Variants in EML2 observed in about 807,000 individuals in gnomAD.
The protein encoded by EML2 is echinoderm microtubule-associated protein-like 2.
A neutral mutation model predicts 84.7 loss-of-function variants in EML2; 59 were observed. The ratio of observed to expected loss-of-function variants is 0.70; its 90% CI spans 0.56 to 0.86. The LOEUF (loss-of-function observed/expected upper bound fraction) is 0.86, where lower values mean the gene tolerates loss of function less well. EML2 is among the 40% of genes least tolerant of loss of function. The pLI, the probability that EML2 is intolerant of heterozygous loss-of-function variation, is 0.00. For missense variants in EML2, 818 were observed against 855.6 expected (o/e 0.96, Z 0.55); for synonymous variants, 352 against 348.9 (o/e 1.01, Z -0.10).
intron 4 of EML2, among the ~76,000 whole-genome samples, chr19:45,633,869 CA>C (rs1175660704): frequency 6.6e-6 from 1 of 152,210 alleles, no homozygotes; most frequent in African/African-American, 2.4e-5. Flanking sequence ...CTTGGCCTCC[CA>C]AAGTGCTGCT....
At chr19:45,619,243 C>T in intron 11 of EML2, 52 bp from the exon 12 acceptor site, 2 of 1,563,036 alleles carry the variant, frequency 1.3e-6, no homozygotes, top group Non-Finnish European at 1.7e-6. Context: ...GGCCTTTTCC[C>T]ACTCAACACT....
intron 3 of EML2, among the ~76,000 whole-genome samples, chr19:45,636,171 G>A (rs748639383): frequency 1.3e-5 from 2 of 151,748 alleles, no homozygotes; most frequent in Non-Finnish European, 1.5e-5. Flanking sequence ...ATGCAGTCTC[G>A]CCATGCTGCC....
chr19:45,632,664 G>C (rs1973193124), intron 6 of EML2, 197 bp downstream of exon 6: 2 of 569,606 alleles, frequency 3.5e-6, no homozygotes, highest in South Asian at 4.0e-5. Flanking sequence ...GGTTTAAAAT[G>C]CCTGAGAGGG....
At chr19:45,624,856 C>G in intron 8 of EML2, 38 bp from the exon 9 acceptor site, 1 of 1,488,506 alleles carries the variant, frequency 6.7e-7, no homozygotes. Context: ...CAGAGCGTCA[C>G]TGAAGCAGGT....
At chr19:45,642,578 G>A, upstream of EML2, 2 of 1,322,878 alleles carry the variant, frequency 1.5e-6, no homozygotes. Context: ...GCCACAGCGC[G>A]CTGGCCGTGT....
chr19:45,645,586 G>A (rs1444500198), upstream of EML2: 18 of 779,954 alleles, frequency 2.3e-5, no homozygotes, highest in South Asian at 1.6e-4. Flanking sequence ...GGCTGCGCCC[G>A]GATCCCCCTA....
Position 45,616,119 on chromosome 19 carries a change from G to A in EML2, c.1510-230C>T, listed in dbSNP as rs1019457191. ...GACAAAAAGCACTTAGAACACAATG[G>A]GAGTTTAGAACAGGTGGGCAGGGCT... On this transcript the variant is annotated intron_variant, in intron 15 of 18. Coordinates refer to ENST00000245925, the MANE Select transcript of EML2 (RefSeq NM_012155.4). The A allele has an allele frequency of 5.2e-6, 3 of 581,110 alleles. No homozygotes were observed. In the African/African-American group the frequency reaches 5.6e-5, roughly 11 times the overall value. The allele number at this position is 581,110 out of a possible 1,614,324, so 36.0% of individuals were successfully genotyped here.
intron 15 of EML2, chr19:45,616,199 G>C (rs1600087540): frequency 1.3e-5 from 7 of 544,672 alleles, no homozygotes; most frequent in Non-Finnish European, 2.0e-5. Flanking sequence ...CAGAGGGGCG[G>C]TCTCGGAACG....
In EML2 at chr19:45,621,645, G is replaced by A. The variant is rs1298006092; in HGVS notation, c.842-8C>T. On this transcript the variant is annotated splice_polypyrimidine_tract_variant and splice_region_variant and intron_variant, in intron 9 of 18. Coordinates refer to ENST00000245925, the MANE Select transcript of EML2 (RefSeq NM_012155.4). ...GTGTGATACGGTTCCCACCTGCAGG[G>A]TGGCCAGGGGCAGGGTCAACAGGGA... is the stretch of plus-strand genomic sequence containing the variant. The A allele has an allele frequency of 1.2e-6, 2 of 1,605,376 alleles. No homozygotes were observed. The highest frequency in any genetic ancestry group is 1.7e-6 in the Non-Finnish European group (2 of 1,179,188).
chr19:45,616,515 G>A lies in EML2; in HGVS notation c.1455C>T (p.Tyr485=), dbSNP rs762480985. 7.5e-6 allele frequency: 12 copies of A among 1,610,540 alleles called. No homozygotes were observed. The East Asian group carries it at 1.8e-4, about 24-fold the overall frequency. The change falls in exon 15 of 19, where the codon TAC becomes TAT. Residue 485 remains tyrosine (Y), a synonymous_variant. Transcript: ENST00000245925. ...GGCCGCCCTGGTCCACCGTGTACAC[G>A]TACACCAAGTTGTCGTGGGAGCCCA... The part of the protein sequence containing the change: ...LAVGSHDNLV[Y]VYTVDQGGRK...
At chr19:45,609,857 G>A in intron 18 of EML2, 69 bp from the exon 19 acceptor site, 2 of 1,526,422 alleles carry the variant, frequency 1.3e-6, no homozygotes, top group Admixed American at 2.2e-5. Flanking sequence ...TGGTCCTCTT[G>A]TCTTGACCCG....
At chr19:45,642,175 G>A (rs1049621783), upstream of EML2, 2 of 1,530,050 alleles carry the variant, frequency 1.3e-6, no homozygotes, top group Non-Finnish European at 1.7e-6. Context: ...CCGGCCCTTG[G>A]GGGTGCCCCG....
intron 3 of EML2, among the ~76,000 whole-genome samples, chr19:45,636,719 G>A (rs1365091441): frequency 1.3e-5 from 2 of 152,256 alleles, no homozygotes; most frequent in African/African-American, 4.8e-5. Context: ...GGCCGAGGCA[G>A]GTGGATCACT....
chr19:45,615,944 G>T (rs1475029247), intron 15 of EML2, 55 bp from the exon 16 acceptor site: 21 of 1,336,536 alleles, frequency 1.6e-5, no homozygotes, highest in African/African-American at 2.9e-5. Context: ...ACCAAGGAGA[G>T]GGGGACAGGA....
At chr19:45,623,010 G>A (rs967652162) in intron 9 of EML2, among the ~76,000 whole-genome samples, 11 of 147,392 alleles carry the variant, frequency 7.5e-5, no homozygotes, top group Admixed American at 2.1e-4. Flanking sequence ...TTGCGCCACT[G>A]CACCCCAGCA....
At chr19:45,632,345 T>C (rs1973154196) in intron 6 of EML2, among the ~76,000 whole-genome samples, 1 of 151,446 alleles carries the variant, frequency 6.6e-6, no homozygotes, top group South Asian at 2.1e-4. Context: ...TCAGACTAAT[T>C]TTTGTACTGT....
intron 13 of EML2, among the ~76,000 whole-genome samples, chr19:45,617,422 G>C (rs1009472237): frequency 6.6e-6 from 1 of 151,902 alleles, no homozygotes; most frequent in Non-Finnish European, 1.5e-5. Context: ...GCCAGGCATA[G>C]TGGTGGGCGC....
chr19:45,615,879 C>T lies in EML2; in HGVS notation c.1520G>A (p.Ser507Asn), dbSNP rs780708456. 2 of 1,613,874 alleles carry T rather than the reference C, an allele frequency of 1.2e-6. No individual in the cohort carries two copies. Among genetic ancestry groups the T allele is most frequent in the Non-Finnish European group, 1.7e-6 (2 of 1,179,896 alleles). The stretch of plus-strand genomic sequence containing the variant: ...GGCCCAATCCAGGTGGGTGATAAAA[C>T]TGGAATGGCCCTGCGGGGGAGGGAA... The part of the protein sequence containing the change: ...SRLGKCSGHS[S>N]FITHLDWAQD... Residue 507 changes from serine to asparagine, a missense_variant, in exon 16 of 19, where the codon AGT becomes AAT. By Grantham distance (46) the Ser-to-Asn change is conservative (BLOSUM62 1). Transcript: ENST00000245925.
chr19:45,619,661 G>T (rs1971472090), intron 11 of EML2, among the ~76,000 whole-genome samples: 1 of 152,200 alleles, frequency 6.6e-6, no homozygotes, highest in Admixed American at 6.5e-5. Flanking sequence ...CAGTCATCTA[G>T]GCAGGTGACA....
Sources: gnomAD v4.1 joint callset for allele counts (sites outside exome capture counted in the v4.1 genomes callset) on GRCh38, gnomAD v4.1.1 for gene constraint, MANE v1.5 for transcripts, NCBI Gene and HGNC (gene_info 2026-07-23, HGNC 2026-07-21) for gene names.